The following OR4K1 variants were observed in gnomAD, a reference collection of about 807,000 sequenced individuals.
The protein encoded by OR4K1 is olfactory receptor 4K1.
Under a neutral mutation model 14.4 loss-of-function variants are expected in OR4K1, and 16 were observed. That is an observed-to-expected ratio of 1.11 (90% CI 0.75 to 1.68). OR4K1 has a LOEUF of 1.68. OR4K1 is among the 40% of genes most tolerant of loss of function. The probability of loss-of-function intolerance (pLI) is 0.00; values close to 1 mark genes in which losing one functional copy is unlikely to be tolerated. For synonymous variants in OR4K1, 181 were observed against 133.1 expected, an observed-to-expected ratio of 1.36 and a Z score of -2.48; for missense variants, 548 against 376.9, an observed-to-expected ratio of 1.45 and a Z score of -3.76.
chr14:19,932,096 G>T (rs971901522), intron 1 of OR4K1, among the ~76,000 whole-genome samples: 1 of 152,186 alleles, frequency 6.6e-6, no homozygotes, highest in Non-Finnish European at 1.5e-5. Flanking sequence ...AGTTAGTTTG[G>T]AGAGGAATTT....
upstream of OR4K1, among the ~76,000 whole-genome samples, chr14:19,930,695 T>C (rs1594453833): frequency 6.6e-5 from 10 of 152,368 alleles, 4 homozygotes; most frequent in Admixed American, 6.5e-4. Context: ...AATCTTTTGC[T>C]TTCATATGTA....
At chr14:19,930,108 T>A (rs1325625274), upstream of OR4K1, among the ~76,000 whole-genome samples, 2 of 150,970 alleles carry the variant, frequency 1.3e-5, no homozygotes, top group Non-Finnish European at 3.0e-5. Flanking sequence ...ACTAAAATAT[T>A]ATATTTCCCC....
the OR4K1 span, chr14:19,921,280 T>C: frequency 6.2e-7 from 1 of 1,614,196 alleles, no homozygotes; most frequent in Non-Finnish European, 8.5e-7. Flanking sequence ...CTTGTTACAG[T>C]TTGGCTCAAG....
the OR4K1 span, chr14:19,920,670 A>T: frequency 2.5e-6 from 4 of 1,613,918 alleles, no homozygotes; most frequent in Non-Finnish European, 3.4e-6. Flanking sequence ...TAGTTCTCAA[A>T]AACTCCAGCT....
chr14:19,924,634 T>C, the OR4K1 span, among the ~76,000 whole-genome samples: 1 of 152,186 alleles, frequency 6.6e-6, no homozygotes, highest in East Asian at 1.9e-4. Context: ...GAAGACGGTG[T>C]AGCTATTCCT....
At chr14:19,920,991 C>A in the OR4K1 span, 17 of 1,614,036 alleles carry the variant, frequency 1.1e-5, no homozygotes, top group Non-Finnish European at 1.4e-5. Flanking sequence ...CATATGCAAA[C>A]CCTTATACTA....
At position 19,936,477 on chromosome 14, in the gene OR4K1, CT is replaced by C. The variant is rs1882327920; in HGVS notation, c.814del (p.Ser272LeufsTer11). 6.2e-7 allele frequency: 1 copy of C among 1,613,958 alleles called. No individual in the cohort carries two copies. Among genetic ancestry groups the C allele is most frequent in the African/African-American group, 1.3e-5 (1 of 75,040 alleles). ...PFSRLPVDKF[L>X]SVFYTVCTPL... is the part of the protein sequence containing the mutation. ...TAGCAGACTTCCTGTGGACAAATTTCTTTCTGTGTTCTACACTGTTTGTACT... is the reference window on the plus strand; with the variant it reads ...TAGCAGACTTCCTGTGGACAAATTTCTTCTGTGTTCTACACTGTTTGTACT... On this transcript the variant is annotated frameshift_variant, in exon 2 of 2. Coordinates refer to ENST00000641172, the MANE Select transcript of OR4K1 (RefSeq NM_001004063.3). LOFTEE classifies it high-confidence loss of function.
chr14:19,932,980 A>AT (rs74903536), intron 1 of OR4K1, among the ~76,000 whole-genome samples: 46 of 149,390 alleles, frequency 3.1e-4, no homozygotes, highest in African/African-American at 9.5e-4. Flanking sequence ...TTATAAATAT[A>AT]TATTTATAGC....
upstream of OR4K1, among the ~76,000 whole-genome samples, chr14:19,930,718 C>T (rs888672945): frequency 5.9e-5 from 9 of 152,164 alleles, no homozygotes; most frequent in South Asian, 2.1e-4. Flanking sequence ...CACTAGTTGG[C>T]GAACAAACAA....
Position 19,935,857 on chromosome 14 carries a change from G to A in OR4K1, c.191G>A (p.Ser64Asn). ...HLNSPMYFLL[S>N]NLSFIDICQS... ...AACTCTCCTATGTACTTCTTGCTCA[G>A]TAATCTTTCTTTCATTGATATCTGT... The change falls in exon 2 of 2, where the codon AGT becomes AAT. Residue 64 changes from serine (S) to asparagine (N), a missense_variant. Transcript: ENST00000641172. The A allele has an allele frequency of 6.2e-7, 1 of 1,614,198 alleles. No homozygotes were observed. The highest frequency in any genetic ancestry group is 2.2e-5 in the East Asian group (1 of 44,886).
At chr14:19,929,662 C>A (rs891268047), upstream of OR4K1, among the ~76,000 whole-genome samples, 1 of 152,188 alleles carries the variant, frequency 6.6e-6, no homozygotes, top group Non-Finnish European at 1.5e-5. Flanking sequence ...TTGGCATTAT[C>A]TGCATATTTG....
the OR4K1 span, chr14:19,920,433 C>T: frequency 7.4e-6 from 5 of 674,526 alleles, no homozygotes; most frequent in East Asian, 2.8e-5. Context: ...TCCTATTATC[C>T]ACCTATCCAG....
At chr14:19,933,015 A>G (rs1273683953) in intron 1 of OR4K1, among the ~76,000 whole-genome samples, 5 of 151,022 alleles carry the variant, frequency 3.3e-5, no homozygotes, top group Non-Finnish European at 7.4e-5. Flanking sequence ...TTATTTTTAT[A>G]TAAAGCATGT....
the OR4K1 span, among the ~76,000 whole-genome samples, chr14:19,924,515 G>T: frequency 6.6e-6 from 1 of 151,946 alleles, no homozygotes; most frequent in South Asian, 2.1e-4. Context: ...ACTGGTGTGA[G>T]ATGGTATTTC....
In OR4K1 at chr14:19,935,922, T is replaced by C. The variant is rs1198557427; in HGVS notation, c.256T>C (p.Phe86Leu). ...CACCCCCAAGATGCTTGTAGACTTT[T>C]TTATTGAGCGCAAGACTATCTCCTT... ...FATPKMLVDF[F>L]IERKTISFEG... is the part of the protein sequence containing the mutation. Residue 86 changes from phenylalanine to leucine, a missense_variant, in exon 2 of 2, where the codon TTT (phenylalanine) becomes CTT (leucine). Coordinates refer to ENST00000641172, the MANE Select transcript of OR4K1 (RefSeq NM_001004063.3). 3 of 1,614,244 alleles carry C rather than the reference T, an allele frequency of 1.9e-6. No homozygotes were observed. The African/African-American group carries it at 4.0e-5, about 22-fold the overall frequency.
chr14:19,927,276 A>G (rs1395390029), upstream of OR4K1, among the ~76,000 whole-genome samples: 1 of 152,204 alleles, frequency 6.6e-6, no homozygotes, highest in African/African-American at 2.4e-5. Flanking sequence ...CTGCATTACT[A>G]CTCACTCAGA....
the OR4K1 span, among the ~76,000 whole-genome samples, chr14:19,921,897 A>G: frequency 1.3e-5 from 2 of 152,378 alleles, no homozygotes; most frequent in South Asian, 2.1e-4. Context: ...GTGGGCATAC[A>G]TTCAAACATT....
At chr14:19,923,178 C>T in the OR4K1 span, among the ~76,000 whole-genome samples, 2 of 152,050 alleles carry the variant, frequency 1.3e-5, no homozygotes, top group Admixed American at 1.3e-4. Context: ...TCATTATTTC[C>T]CTCAATTTGC....
Position 19,935,589 on chromosome 14 carries a change from T to C in OR4K1, c.-19-59T>C, listed in dbSNP as rs914073580. The stretch of plus-strand genomic sequence containing the variant: ...GAATTGACTATATTTCTTTTGTTTA[T>C]AAACTAGAGGTATTGTAATGCCAAT... On this transcript the variant is annotated intron_variant, in intron 1 of 1. Coordinates refer to ENST00000641172, the MANE Select transcript of OR4K1 (RefSeq NM_001004063.3). The C allele has an allele frequency of 1.2e-5, 15 of 1,226,338 alleles. No homozygotes were observed. In the East Asian group the frequency reaches 3.5e-4, roughly 29 times the overall value. 76.0% of individuals were successfully genotyped at this position (1,226,338 alleles called of 1,614,324 possible).
Sources: allele counts gnomAD v4.1 joint callset (sites outside exome capture counted in the v4.1 genomes callset), GRCh38; gene constraint gnomAD v4.1.1; transcripts MANE v1.5; gene names NCBI Gene and HGNC (gene_info 2026-07-23, HGNC 2026-07-21).